The following WDFY4 variants were observed in gnomAD, a reference collection of about 807,000 sequenced individuals.
WDFY4 encodes the protein WDFY family member 4.
A neutral mutation model predicts 351.9 loss-of-function variants in WDFY4; 169 were observed. That is an observed-to-expected ratio of 0.48 (90% CI 0.42 to 0.55). The LOEUF (loss-of-function observed/expected upper bound fraction) is 0.55, where lower values mean the gene tolerates loss of function less well. WDFY4 is among the 20% of genes least tolerant of loss of function. The pLI, the probability that WDFY4 is intolerant of heterozygous loss-of-function variation, is 0.00. For synonymous variants in WDFY4, 1,622 were observed against 1,574.6 expected (o/e 1.03, Z -0.71); for missense variants, 3,803 against 3,935.6 (o/e 0.97, Z 0.90).
Position 48,970,146 on chromosome 10 carries a change from G to C in WDFY4, c.8785G>C (p.Glu2929Gln), listed in dbSNP as rs1051438147. The C allele has an allele frequency of 1.9e-6, 3 of 1,551,414 alleles. No homozygotes were observed. The highest frequency in any genetic ancestry group is 2.6e-6 in the Non-Finnish European group (3 of 1,146,994). ...TCTCCTACAGGTCCTGATGACATTC[G>C]AGAACCTGGCTGCCTGGGGCCGCTG... ...YGSDKVLMTF[E>Q]NLAAWGRCLC... The change falls in exon 57 of 62, where the codon GAG (glutamate) becomes CAG (glutamine). Residue 2929 changes from glutamate (E) to glutamine (Q), a missense_variant. Physicochemically the swap from Glu to Gln is conservative, Grantham distance 29. Transcript: ENST00000325239.
chr10:48,822,657 G>T, intron 35 of WDFY4, 120 bp downstream of exon 35: 1 of 1,232,758 alleles, frequency 8.1e-7, no homozygotes, highest in Non-Finnish European at 1.1e-6. Context: ...AGCCAGGTGG[G>T]AGGAAGCAGG....
intron 39 of WDFY4, among the ~76,000 whole-genome samples, chr10:48,843,871 T>C (rs2068687175): frequency 6.6e-6 from 1 of 152,104 alleles, no homozygotes; most frequent in Non-Finnish European, 1.5e-5. Flanking sequence ...TTTTTGTGTA[T>C]TCATCTAAAT....
intron 2 of WDFY4, among the ~76,000 whole-genome samples, chr10:48,719,787 G>C (rs528990281): frequency 6.6e-6 from 1 of 152,330 alleles, no homozygotes; most frequent in South Asian, 2.1e-4. Flanking sequence ...ACATCTTAGG[G>C]GCTCGTGTTC....
intron 13 of WDFY4, among the ~76,000 whole-genome samples, chr10:48,769,035 T>A (rs772979585): frequency 2.0e-5 from 3 of 152,166 alleles, no homozygotes; most frequent in Non-Finnish European, 4.4e-5. Flanking sequence ...AAATATGCTG[T>A]AGATGTGAGA....
At chr10:48,955,263 G>A (rs1691535508) in intron 51 of WDFY4, among the ~76,000 whole-genome samples, 1 of 152,212 alleles carries the variant, frequency 6.6e-6, no homozygotes, top group African/African-American at 2.4e-5. Flanking sequence ...CAAGAGCAAA[G>A]CGACCTTGGG....
At chr10:48,928,352 A>ATGTGTGTG (rs1839749361) in intron 47 of WDFY4, among the ~76,000 whole-genome samples, 28 of 59,714 alleles carry the variant, frequency 4.7e-4, no homozygotes, top group African/African-American at 1.3e-3. Flanking sequence ...TTTGGTTTTG[A>ATGTGTGTG]CGTGTGTGTG....
intron 13 of WDFY4, among the ~76,000 whole-genome samples, chr10:48,762,930 G>T (rs931637384): frequency 2.6e-5 from 4 of 152,226 alleles, no homozygotes; most frequent in Non-Finnish European, 5.9e-5. Flanking sequence ...CTTCTGTGAG[G>T]GGTGACAGGT....
At chr10:48,755,367 A>G (rs2065306100) in intron 12 of WDFY4, among the ~76,000 whole-genome samples, 1 of 152,158 alleles carries the variant, frequency 6.6e-6, no homozygotes, top group African/African-American at 2.4e-5. Flanking sequence ...AAGGTTTTAA[A>G]TTTTGATGAA....
At chr10:48,928,501 A>T (rs1839776646) in intron 47 of WDFY4, among the ~76,000 whole-genome samples, 1 of 151,772 alleles carries the variant, frequency 6.6e-6, no homozygotes, top group African/African-American at 2.4e-5. Flanking sequence ...CCCTATTCAG[A>T]CCCTGCAGCC....
intron 47 of WDFY4, among the ~76,000 whole-genome samples, chr10:48,903,669 G>C (rs750054109): frequency 7.9e-5 from 12 of 152,174 alleles, no homozygotes; most frequent in Non-Finnish European, 1.6e-4. Context: ...AAGAGTGGCT[G>C]TAGGGCCACT....
intron 44 of WDFY4, among the ~76,000 whole-genome samples, chr10:48,897,084 G>C (rs1181007484): frequency 6.6e-6 from 1 of 152,130 alleles, no homozygotes; most frequent in Non-Finnish European, 1.5e-5. Context: ...AGCCCTCCCT[G>C]CTGGCCCCCA....
chr10:48,761,450 G>A (rs908781766), intron 13 of WDFY4, among the ~76,000 whole-genome samples: 1 of 152,194 alleles, frequency 6.6e-6, no homozygotes, highest in East Asian at 1.9e-4. Context: ...TGTGATGTGT[G>A]GTGATAGCTG....
At chr10:48,708,854 A>T (rs1034650348) in intron 1 of WDFY4, among the ~76,000 whole-genome samples, 2 of 152,210 alleles carry the variant, frequency 1.3e-5, no homozygotes, top group African/African-American at 2.4e-5. Flanking sequence ...GCTTAGAATG[A>T]GGAATCTATC....
At chr10:48,720,216 G>A (rs902010856) in intron 3 of WDFY4, 91 bp downstream of exon 3, 44 of 1,307,028 alleles carry the variant, frequency 3.4e-5, no homozygotes, top group Middle Eastern at 2.0e-4. Flanking sequence ...CTCTGCTTTC[G>A]CGTGGAGCTA....
rs1448583448 is a variant in WDFY4, at chr10:48,723,548, T to C, written c.572T>C (p.Val191Ala). 2 of 1,551,934 alleles carry C rather than the reference T, an allele frequency of 1.3e-6. No homozygotes were observed. The highest frequency in any genetic ancestry group is 8.7e-7 in the Non-Finnish European group (1 of 1,147,054). ...KDELLESDLQVQKMFVQMLLN... is the reference protein window; with the variant it reads ...KDELLESDLQAQKMFVQMLLN... Reference sequence around the variant, plus strand: ...GAGCTTCTTGAGAGTGATCTTCAAGTTCAAAAGATGTTCGTGCAGGTGAGT... The same window carrying C: ...GAGCTTCTTGAGAGTGATCTTCAAGCTCAAAAGATGTTCGTGCAGGTGAGT... The change falls in exon 5 of 62, where the codon GTT (valine) becomes GCT (alanine). Residue 191 changes from valine (V) to alanine (A), a missense_variant. Physicochemically the swap from Val to Ala is moderately conservative, Grantham distance 64 (BLOSUM62 0). Coordinates refer to ENST00000325239, the MANE Select transcript of WDFY4 (RefSeq NM_001394531.1).
At chr10:48,978,236 A>C in intron 59 of WDFY4, 73 bp from the exon 60 acceptor site, 1 of 1,473,932 alleles carries the variant, frequency 6.8e-7, no homozygotes, top group Non-Finnish European at 9.1e-7. Context: ...GGCGTGAGGA[A>C]ATGGACTAGG....
At chr10:48,914,279 C>G (rs577290215) in intron 47 of WDFY4, 2 of 1,009,264 alleles carry the variant, frequency 2.0e-6, no homozygotes, top group African/African-American at 1.6e-5. Flanking sequence ...CCAGAGGGCA[C>G]TGGGCTCCCC....
intron 1 of WDFY4, among the ~76,000 whole-genome samples, chr10:48,703,956 C>T (rs1484199445): frequency 1.3e-5 from 2 of 152,196 alleles, no homozygotes. Flanking sequence ...CCACTCCCAG[C>T]ACTGGTGCTG....
chr10:48,970,194 CCAA>C lies in WDFY4; in HGVS notation c.8838_8840del (p.Thr2947del), dbSNP rs1842276837. The stretch of plus-strand genomic sequence containing the variant: ...CTGTCTGTGCGCCGTGTGCCCATCC[CCAA>C]CAACGATTGTCACCTCTGGGACCAG... On this transcript the variant is annotated inframe_deletion, in exon 57 of 62. Transcript: ENST00000325239. 1 of 1,551,758 alleles carries C rather than the reference CCAA, an allele frequency of 6.4e-7. No individual in the cohort carries two copies. Among genetic ancestry groups the C allele is most frequent in the Non-Finnish European group, 8.7e-7 (1 of 1,147,010 alleles).
Sources: allele counts gnomAD v4.1 joint callset (sites outside exome capture counted in the v4.1 genomes callset), GRCh38; gene constraint gnomAD v4.1.1; transcripts MANE v1.5; gene names NCBI Gene and HGNC (gene_info 2026-07-23, HGNC 2026-07-21).